Variants in PI4K2A observed in about 807,000 individuals in gnomAD.
PI4K2A encodes the protein phosphatidylinositol 4-kinase type 2-alpha.
A neutral mutation model predicts 55.0 loss-of-function variants in PI4K2A; 20 were observed. The ratio of observed to expected loss-of-function variants is 0.36; its 90% CI spans 0.26 to 0.53. The LOEUF (loss-of-function observed/expected upper bound fraction) is 0.53, where lower values mean the gene tolerates loss of function less well. PI4K2A is among the 20% of genes least tolerant of loss of function. The probability of loss-of-function intolerance (pLI) is 0.91; values close to 1 mark genes in which losing one functional copy is unlikely to be tolerated. For missense variants in PI4K2A, 463 were observed against 637.1 expected, an observed-to-expected ratio of 0.73 and a Z score of 2.94; for synonymous variants, 235 against 258.5, an observed-to-expected ratio of 0.91 and a Z score of 0.87.
chr10:97,661,371 A>G (rs946342173), intron 4 of PI4K2A, among the ~76,000 whole-genome samples: 6 of 124,292 alleles, frequency 4.8e-5, no homozygotes, highest in Non-Finnish European at 1.0e-4. Flanking sequence ...TGAAGAGATA[A>G]AGACTTTTTT....
At chr10:97,645,607 C>CAAA (rs1200079096) in intron 1 of PI4K2A, among the ~76,000 whole-genome samples, 1 of 49,586 alleles carries the variant, frequency 2.0e-5, no homozygotes, top group Non-Finnish European at 4.2e-5. Flanking sequence ...GACTCTATCT[C>CAAA]AAAAAAAAAA....
chr10:97,671,664 G>C (rs1023811570), intron 8 of PI4K2A, among the ~76,000 whole-genome samples: 2 of 152,022 alleles, frequency 1.3e-5, no homozygotes, highest in African/African-American at 4.8e-5. Flanking sequence ...TTTTGAGATG[G>C]AGTCTTGCTC....
chr10:97,655,603 C>G (rs1055137874), intron 2 of PI4K2A, among the ~76,000 whole-genome samples: 4 of 151,782 alleles, frequency 2.6e-5, no homozygotes, highest in African/African-American at 9.7e-5. Flanking sequence ...GACAGAGTCT[C>G]CCTCTGTCAC....
intron 7 of PI4K2A, 47 bp from the exon 8 acceptor site, chr10:97,667,014 G>C: frequency 6.8e-7 from 1 of 1,469,962 alleles, no homozygotes; most frequent in Non-Finnish European, 9.5e-7. Flanking sequence ...ATGGGTTCCT[G>C]TGAGGCATTC....
chr10:97,647,109 G>A (rs2041508799), intron 1 of PI4K2A, among the ~76,000 whole-genome samples: 2 of 152,096 alleles, frequency 1.3e-5, no homozygotes, highest in Admixed American at 1.3e-4. Flanking sequence ...TGTGGGTTCT[G>A]ACACCAGCTG....
At chr10:97,655,390 A>AAAAAAAT (rs762558597) in intron 2 of PI4K2A, among the ~76,000 whole-genome samples, 1 of 141,602 alleles carries the variant, frequency 7.1e-6, no homozygotes, top group Non-Finnish European at 1.5e-5. Flanking sequence ...AAAAAAAAAA[A>AAAAAAAT]TTTTTTTTCA....
intron 8 of PI4K2A, among the ~76,000 whole-genome samples, chr10:97,672,075 G>A (rs7098880): frequency 0.062 from 9,345 of 149,724 alleles, 930 homozygotes; most frequent in African/African-American, 0.21. Flanking sequence ...ATGGAGTCTC[G>A]CTCTCTTGCC....
At position 97,656,849 on chromosome 10, in the gene PI4K2A, G is replaced by T. The variant is rs1564774889; in HGVS notation, c.797G>T (p.Gly266Val). The T allele has an allele frequency of 1.9e-6, 3 of 1,614,078 alleles. No individual in the cohort carries two copies. Among genetic ancestry groups the T allele is most frequent in the Non-Finnish European group, 2.5e-6 (3 of 1,179,968 alleles). Residue 266 changes from glycine to valine, a missense_variant, in exon 4 of 9, where the codon GGC becomes GTC. Around this residue, in one of 2 missense-constraint regions of PI4K2A, gnomAD observed 277 missense variants for 432.6 expected, o/e 0.64. Coordinates refer to ENST00000370631, the Ensembl canonical transcript of PI4K2A. The surrounding 1 kb of genome is among the most constrained non-coding windows in gnomAD (Gnocchi z 4.5). ...GGTTCATTCCAGCTCTTTGTTGAAG[G>T]CTACAAAGATGCAGACTATTGGCTG...
At chr10:97,664,857 C>T (rs752378531) in intron 5 of PI4K2A, 28 bp from the exon 6 acceptor site, 2 of 1,512,918 alleles carry the variant, frequency 1.3e-6, no homozygotes, top group Non-Finnish European at 1.8e-6. Flanking sequence ...TGGGTTTCCT[C>T]AGTCATTAGT....
At chr10:97,649,382 A>G (rs1160134156) in intron 1 of PI4K2A, among the ~76,000 whole-genome samples, 1 of 152,198 alleles carries the variant, frequency 6.6e-6, no homozygotes, top group Non-Finnish European at 1.5e-5. Flanking sequence ...CCATATTTCC[A>G]AAGACCTTAG....
At chr10:97,675,614 G>GGGTCTA (rs1242285651) in exon 9 of PI4K2A, 4 of 152,626 alleles carry the variant, frequency 2.6e-5, no homozygotes, top group Non-Finnish European at 5.9e-5. Context: ...GAGAGCCTGG[G>GGGTCTA]GGTCTAACAG....
exon 1 of PI4K2A, chr10:97,640,704 T>G: frequency 7.2e-7 from 1 of 1,392,184 alleles, no homozygotes; most frequent in Non-Finnish European, 9.5e-7. Context: ...AGCGCAGTGG[T>G]GTGGAGCGCG....
intron 2 of PI4K2A, 36 bp downstream of exon 2, chr10:97,651,177 G>C (rs1476827098): frequency 6.5e-7 from 1 of 1,548,684 alleles, no homozygotes; most frequent in Admixed American, 1.7e-5. Flanking sequence ...TTACTGCCTG[G>C]CCACAGTTTT....
At position 97,649,779 on chromosome 10, in the gene PI4K2A, A is replaced by G. The variant is rs1463920902; in HGVS notation, c.436-1162A>G. 5.3e-5 allele frequency among the ~76,000 whole-genome samples: 8 copies of G among 151,786 alleles called. No individual in the cohort carries two copies. In the East Asian group the frequency reaches 1.4e-3, roughly 26 times the overall value. On this transcript the variant is annotated intron_variant, in intron 1 of 8. Transcript: ENST00000370631. ...GCTGGGATTACAGGTGCATGCCACC[A>G]TGCCCAGCTAATTTTTGTATTTTTA...
intron 5 of PI4K2A, among the ~76,000 whole-genome samples, chr10:97,664,562 A>G (rs2041601193): frequency 6.6e-6 from 1 of 152,062 alleles, no homozygotes. Context: ...CAGGATTCTC[A>G]TTTTCTTTCC....
chr10:97,642,888 C>CCTTT (rs2041484286), intron 1 of PI4K2A, among the ~76,000 whole-genome samples: 1 of 64,394 alleles, frequency 1.6e-5, no homozygotes, highest in African/African-American at 6.7e-5. Context: ...TTTCTTTCTT[C>CCTTT]CTTCCTTCCT....
At chr10:97,641,805 G>A (rs1003795328) in intron 1 of PI4K2A, among the ~76,000 whole-genome samples, 1 of 152,168 alleles carries the variant, frequency 6.6e-6, no homozygotes, top group Admixed American at 6.5e-5. Context: ...GATAGAACTT[G>A]GAGTTTTAGA....
chr10:97,641,123 C>G lies in PI4K2A; in HGVS notation c.381C>G (p.Pro127=), dbSNP rs184632065. Reference sequence around the variant, plus strand: ...TGGCCATCGAGCGCTGCATCTTTCCCGAGCGCATCTACCAGGGCTCCAGCG... The same window carrying G: ...TGGCCATCGAGCGCTGCATCTTTCCGGAGCGCATCTACCAGGGCTCCAGCG... The change falls in exon 1 of 9, where the codon CCC becomes CCG. Residue 127 remains proline, a synonymous_variant. Transcript: ENST00000370631. The G allele has an allele frequency of 4.4e-6, 7 of 1,608,970 alleles. No individual in the cohort carries two copies. In the East Asian group the frequency reaches 1.6e-4, roughly 36 times the overall value.
intron 8 of PI4K2A, among the ~76,000 whole-genome samples, chr10:97,667,501 C>T (rs1037387258): frequency 9.9e-5 from 15 of 152,112 alleles, no homozygotes; most frequent in African/African-American, 2.9e-4. Context: ...TGAGGCCCTG[C>T]GCCCGGCCGT....
Sources: gnomAD v4.1 joint callset for allele counts (sites outside exome capture counted in the v4.1 genomes callset) on GRCh38, gnomAD v4.1.1 for gene constraint, gnomAD v4.1.1 regional missense constraint, Gnocchi (gnomAD v3.1) non-coding constraint, MANE v1.5 for transcripts, NCBI Gene and HGNC (gene_info 2026-07-23, HGNC 2026-07-21) for gene names.